The following B3GAT1 variants were observed in gnomAD, a reference collection of about 807,000 sequenced individuals.
B3GAT1 encodes galactosylgalactosylxylosylprotein 3-beta-glucuronosyltransferase 1.
Under a neutral mutation model 28.4 loss-of-function variants are expected in B3GAT1, and 11 were observed. The ratio of observed to expected loss-of-function variants is 0.39; its 90% CI spans 0.24 to 0.64. B3GAT1 has a LOEUF of 0.64. Ranked by LOEUF, B3GAT1 falls within the 30% of genes least tolerant of loss-of-function variation. B3GAT1 has a pLI of 0.50. For missense variants in B3GAT1, 375 were observed against 491.0 expected (o/e 0.76, Z 2.23); for synonymous variants, 255 against 223.1 (o/e 1.14, Z -1.27).
chr11:134,409,152 CG>C (rs1417102267), intron 1 of B3GAT1, among the ~76,000 whole-genome samples: 2 of 152,142 alleles, frequency 1.3e-5, no homozygotes, highest in Non-Finnish European at 2.9e-5. Context: ...GCCAGGAAGC[CG>C]GGGCTTAGAG....
intron 2 of B3GAT1, chr11:134,386,944 T>C (rs1269299475): frequency 6.5e-6 from 1 of 153,364 alleles, no homozygotes; most frequent in Non-Finnish European, 1.5e-5. Context: ...ACACTTTTCA[T>C]ATGCAAACTA....
chr11:134,399,540 C>T (rs955871443), intron 1 of B3GAT1, among the ~76,000 whole-genome samples: 3 of 152,318 alleles, frequency 2.0e-5, no homozygotes, highest in South Asian at 2.1e-4. Context: ...GGCAAGCCGT[C>T]GAAGCTGCTG....
Position 134,387,702 on chromosome 11 carries a change from GCGGTAAGTTCAGGAGAGGGGCGGCCA to G in B3GAT1, c.-69_-44del. On this transcript the variant is annotated 5_prime_UTR_variant, in exon 2 of 6. The change creates a premature stop within an existing upstream ORF in the 5' untranslated region. Transcript: ENST00000312527. ...CCCACGGCTCCTCATTACCTGAGTG[GCGGTAAGTTCAGGAGAGGGGCGGCCA>G]CGGGCGGCGGCAGCACAGGGGAGAA... 1 of 1,612,474 alleles carries G rather than the reference GCGGTAAGTTCAGGAGAGGGGCGGCCA, an allele frequency of 6.2e-7. No individual in the cohort carries two copies. Among genetic ancestry groups the G allele is most frequent in the Non-Finnish European group, 8.5e-7 (1 of 1,179,490 alleles).
At chr11:134,394,445 G>A (rs866180247) in intron 1 of B3GAT1, among the ~76,000 whole-genome samples, 11 of 152,274 alleles carry the variant, frequency 7.2e-5, no homozygotes, top group African/African-American at 2.2e-4. Context: ...CCCACACCAC[G>A]TCCCCCTGCA....
intron 4 of B3GAT1, among the ~76,000 whole-genome samples, 162 bp from the exon 5 acceptor site, chr11:134,382,186 A>T (rs1056466040): frequency 2.6e-5 from 4 of 151,474 alleles, no homozygotes; most frequent in Non-Finnish European, 5.9e-5. Flanking sequence ...TTTTTTATTT[A>T]TTTTCTGTGG....
At chr11:134,399,251 T>C (rs1051084437) in intron 1 of B3GAT1, among the ~76,000 whole-genome samples, 25 of 152,172 alleles carry the variant, frequency 1.6e-4, no homozygotes, top group African/African-American at 6.0e-4. Context: ...GCTCTATGAA[T>C]AGACCACGCC....
At chr11:134,388,644 C>T (rs1275621522) in intron 1 of B3GAT1, 1 of 152,198 alleles carries the variant, frequency 6.6e-6, no homozygotes, top group Non-Finnish European at 1.5e-5. Flanking sequence ...GTGTATTCTT[C>T]TCATGTTTAC....
chr11:134,389,486 G>A (rs1434897176), intron 1 of B3GAT1: 1 of 152,286 alleles, frequency 6.6e-6, no homozygotes, highest in Non-Finnish European at 1.5e-5. Flanking sequence ...AGCATCTCTG[G>A]GAACCGTTCT....
chr11:134,401,911 A>G (rs11825120), intron 1 of B3GAT1, among the ~76,000 whole-genome samples: 22,995 of 139,892 alleles, frequency 0.16, 2,060 homozygotes, highest in African/African-American at 0.26. Flanking sequence ...CTGTGGCTTG[A>G]GCTCAATGGA....
At chr11:134,392,569 A>C (rs1944432635) in intron 1 of B3GAT1, among the ~76,000 whole-genome samples, 1 of 152,158 alleles carries the variant, frequency 6.6e-6, no homozygotes. Context: ...ACAGGGTGTC[A>C]CTATGCTGTC....
At chr11:134,399,849 C>A (rs1257598833) in intron 1 of B3GAT1, among the ~76,000 whole-genome samples, 2 of 152,212 alleles carry the variant, frequency 1.3e-5, no homozygotes, top group Non-Finnish European at 2.9e-5. Flanking sequence ...TGGAGCCCAG[C>A]ACAGCCTGGA....
chr11:134,384,127 C>T lies in B3GAT1; in HGVS notation c.174G>A (p.Thr58=), dbSNP rs755439844. 7 of 1,581,868 alleles carry T rather than the reference C, an allele frequency of 4.4e-6. No homozygotes were observed. Among genetic ancestry groups the T allele is most frequent in the South Asian group, 1.1e-5 (1 of 89,762 alleles). Residue 58 remains threonine (T), a synonymous_variant, in exon 3 of 6, where the codon ACG becomes ACA. Transcript: ENST00000312527. ...PPGADPREYC[T]SDRDIVEVVR... ...CCACCTCCACGATGTCGCGGTCAGACGTGCAGTACTCCCTGGGGTCGGCGC... is the reference window on the plus strand; with the variant it reads ...CCACCTCCACGATGTCGCGGTCAGATGTGCAGTACTCCCTGGGGTCGGCGC...
Position 134,384,507 on chromosome 11 carries a change from A to G in B3GAT1, c.113-319T>C, listed in dbSNP as rs1337922809. ...CCTGAATGTGCTGACTTTCCTATGA[A>G]AAGGCGTCCCGACCCTCCCCTCCCT... On this transcript the variant is annotated intron_variant, in intron 2 of 5. Coordinates refer to ENST00000312527, the MANE Select transcript of B3GAT1 (RefSeq NM_054025.3). 18 of 391,134 alleles carry G rather than the reference A, an allele frequency of 4.6e-5. 1 individual carries two copies. The East Asian group carries it at 6.7e-4, about 15-fold the overall frequency. 24.2% of individuals were successfully genotyped at this position (391,134 alleles called of 1,614,324 possible).
At chr11:134,406,854 C>A (rs969332391) in intron 1 of B3GAT1, among the ~76,000 whole-genome samples, 6 of 152,170 alleles carry the variant, frequency 3.9e-5, no homozygotes, top group Admixed American at 3.9e-4. Flanking sequence ...CACTTAGCCA[C>A]CCTGCCAAAA....
intron 1 of B3GAT1, among the ~76,000 whole-genome samples, chr11:134,406,210 G>A (rs1944729513): frequency 6.6e-6 from 1 of 152,246 alleles, no homozygotes. Context: ...GTGAGCCCAG[G>A]CAGGGGCCTC....
intron 1 of B3GAT1, among the ~76,000 whole-genome samples, chr11:134,409,074 T>A (rs530336891): frequency 5.3e-5 from 8 of 152,334 alleles, no homozygotes; most frequent in Non-Finnish European, 8.8e-5. Flanking sequence ...AATAAATAGA[T>A]TAAATTAAAA....
rs1423136631 is a variant in B3GAT1, at chr11:134,412,009, G to A, written c.-484C>T. On this transcript the variant is annotated 5_prime_UTR_variant, in exon 1 of 6. Transcript: ENST00000312527. ...CGCCCCGCCCGGCCCCGCCGCCCCG[G>A]CCCGGCTCGTTCTGGGCTCAGCGAG... 1 of 145,396 alleles carries A rather than the reference G, an allele frequency of 6.9e-6. No homozygotes were observed. Among genetic ancestry groups the A allele is most frequent in the Admixed American group, 6.8e-5 (1 of 14,758 alleles). The allele number at this position is 145,396 out of a possible 1,614,324, so 9.0% of individuals were successfully genotyped here.
chr11:134,396,101 C>T (rs1048940510), intron 1 of B3GAT1, among the ~76,000 whole-genome samples: 1 of 152,222 alleles, frequency 6.6e-6, no homozygotes, highest in East Asian at 1.9e-4. Context: ...TAGAGCCAAT[C>T]TGCTAGCAGA....
At chr11:134,407,672 C>T (rs772227670) in intron 1 of B3GAT1, among the ~76,000 whole-genome samples, 9 of 152,092 alleles carry the variant, frequency 5.9e-5, no homozygotes, top group South Asian at 4.1e-4. Flanking sequence ...GCGCAGGGAG[C>T]GCAGGCTCAT....
Sources: gnomAD v4.1 joint callset for allele counts (sites outside exome capture counted in the v4.1 genomes callset) on GRCh38, gnomAD v4.1.1 for gene constraint, MANE v1.5 for transcripts, NCBI Gene and HGNC (gene_info 2026-07-23, HGNC 2026-07-21) for gene names.